CTNNA2: variants seen among roughly 807,000 people sequenced by gnomAD.
The protein encoded by CTNNA2 is catenin alpha 2, also known as catenin alpha-2.
In CTNNA2, 42 loss-of-function variants were observed where a neutral mutation model predicts 101.0. That is an observed-to-expected ratio of 0.42 (90% CI 0.32 to 0.54). CTNNA2 has a LOEUF of 0.54. Ranked by LOEUF, CTNNA2 falls within the 20% of genes least tolerant of loss-of-function variation. CTNNA2 has a pLI of 0.14. For missense variants in CTNNA2, 871 were observed against 1,223.1 expected (o/e 0.71, Z 4.29); for synonymous variants, 450 against 456.4 (o/e 0.99, Z 0.18).
chr2:79,860,884 T>G (rs1238446730), intron 4 of CTNNA2, among the ~76,000 whole-genome samples: 1 of 152,192 alleles, frequency 6.6e-6, no homozygotes. Context: ...ATCAGTTCTT[T>G]TGCGCAGAAG....
intron 7 of CTNNA2, among the ~76,000 whole-genome samples, chr2:80,207,052 A>C (rs927149371): frequency 2.3e-4 from 35 of 152,164 alleles, no homozygotes; most frequent in African/African-American, 7.2e-4. Context: ...GACTTTGCTT[A>C]CTTATAGTCT....
In CTNNA2 at chr2:79,930,260, AAGAAAGAAAGAAAGAAAGAG is replaced by A. The variant is rs1457547382; in HGVS notation, c.1056+20467_1056+20486del. On this transcript the variant is annotated intron_variant, in intron 7 of 18. Transcript: ENST00000402739. Reference sequence around the variant, plus strand: ...TCTGTCTCAAAGAAAGAAAGAAAGAAAGAAAGAAAGAAAGAAAGAGAGAGAGAGAGAAAGAGAAAGAAAGA... The same window carrying A: ...TCTGTCTCAAAGAAAGAAAGAAAGAAAGAGAGAGAGAAAGAGAAAGAAAGA... Among the ~76,000 whole-genome samples the A allele has an allele frequency of 2.2e-4, 10 of 44,728 alleles. No individual in the cohort carries two copies. In the East Asian group the frequency reaches 3.1e-3, roughly 14 times the overall value. The allele number at this position is 44,728 out of a possible 152,430, so 29.3% of individuals were successfully genotyped here.
At chr2:79,212,268 G>T (rs998934293) in intron 2 of CTNNA2, among the ~76,000 whole-genome samples, 10 of 152,150 alleles carry the variant, frequency 6.6e-5, no homozygotes, top group East Asian at 1.9e-4. Flanking sequence ...ACGGTGAATA[G>T]GAGTATGACT....
chr2:80,341,899 T>G (rs976697998), intron 7 of CTNNA2, among the ~76,000 whole-genome samples: 3 of 152,150 alleles, frequency 2.0e-5, no homozygotes, highest in Non-Finnish European at 2.9e-5. Context: ...CAAAATATGG[T>G]ATAGCCATGC....
At chr2:80,319,713 C>T (rs576015950) in intron 7 of CTNNA2, among the ~76,000 whole-genome samples, 4 of 152,244 alleles carry the variant, frequency 2.6e-5, no homozygotes, top group African/African-American at 9.6e-5. Context: ...CACCCCATCC[C>T]AGGTGTAATA....
chr2:80,356,645 A>G (rs1481443625), intron 7 of CTNNA2, among the ~76,000 whole-genome samples: 4 of 152,062 alleles, frequency 2.6e-5, no homozygotes, highest in Admixed American at 1.3e-4. Context: ...TAGAGGGGGG[A>G]AATGGAAACA....
chr2:79,938,410 T>C (rs1296088439), intron 7 of CTNNA2, among the ~76,000 whole-genome samples: 2 of 152,236 alleles, frequency 1.3e-5, no homozygotes, highest in Non-Finnish European at 2.9e-5. Flanking sequence ...GTAACATTTA[T>C]ACATATGAGT....
intron 7 of CTNNA2, chr2:80,304,768 T>C (rs1194705414): frequency 2.0e-5 from 3 of 152,608 alleles, no homozygotes; most frequent in Non-Finnish European, 4.4e-5. Context: ...CTGCTCACGA[T>C]TGTGCGTCTT....
rs202008657 is a variant in CTNNA2, at chr2:80,533,253, TGGG to T, written c.1291-11728_1291-11726del. On this transcript the variant is annotated intron_variant, in intron 9 of 18. Transcript: ENST00000402739. ...GATCTATTTCTACTGGTTGTGTGAA[TGGG>T]ATGCCTTCAGCAACACGTGGATTTT... is the stretch of plus-strand genomic sequence containing the variant. Among the ~76,000 whole-genome samples, 1,221 of 152,288 alleles carry T rather than the reference TGGG, an allele frequency of 8.0e-3. 14 individuals are homozygous for T. The highest frequency in any genetic ancestry group is 0.027 in the African/African-American group (1,140 of 41,560).
intron 3 of CTNNA2, among the ~76,000 whole-genome samples, chr2:79,801,438 G>A (rs1676148261): frequency 6.6e-6 from 1 of 152,150 alleles, no homozygotes; most frequent in Non-Finnish European, 1.5e-5. Context: ...AACTGGAAAG[G>A]GCTTGAGTTC....
intron 2 of CTNNA2, among the ~76,000 whole-genome samples, chr2:79,696,618 A>T (rs1684667374): frequency 1.3e-5 from 2 of 152,000 alleles, no homozygotes; most frequent in African/African-American, 4.8e-5. Flanking sequence ...GCCAGCACTT[A>T]CAATCTCACA....
intron 2 of CTNNA2, among the ~76,000 whole-genome samples, chr2:79,652,335 C>G (rs910595123): frequency 6.6e-6 from 1 of 151,554 alleles, no homozygotes; most frequent in Non-Finnish European, 1.5e-5. Flanking sequence ...TGAAGCAGCA[C>G]AAATTTATTA....
At chr2:79,346,186 T>A (rs575802318) in intron 3 of CTNNA2, among the ~76,000 whole-genome samples, 9 of 152,334 alleles carry the variant, frequency 5.9e-5, no homozygotes, top group South Asian at 4.1e-4. Flanking sequence ...TGCATTGGCT[T>A]ATGTTTTGTC....
At chr2:80,523,982 G>GCAAAAGCAT (rs1689802912) in intron 9 of CTNNA2, among the ~76,000 whole-genome samples, 2 of 152,140 alleles carry the variant, frequency 1.3e-5, no homozygotes, top group South Asian at 4.1e-4. Context: ...AATCATATAA[G>GCAAAAGCAT]CAAAAGCATA....
chr2:80,605,784 CA>C (rs1217721906), intron 16 of CTNNA2: 2 of 151,822 alleles, frequency 1.3e-5, no homozygotes, highest in African/African-American at 4.8e-5. Context: ...ATGGCTAATC[CA>C]AGAAATTTTT....
chr2:79,821,807 A>G (rs973119550), intron 3 of CTNNA2, among the ~76,000 whole-genome samples: 1 of 152,176 alleles, frequency 6.6e-6, no homozygotes, highest in African/African-American at 2.4e-5. Context: ...ATGTTTCTTA[A>G]CTGGTGTTTA....
intron 4 of CTNNA2, among the ~76,000 whole-genome samples, chr2:79,411,505 G>A (rs1450493447): frequency 6.6e-6 from 1 of 151,974 alleles, no homozygotes; most frequent in Non-Finnish European, 1.5e-5. Flanking sequence ...GAAAGGTCGG[G>A]TTACCCACAA....
At chr2:79,778,207 A>G in intron 3 of CTNNA2, among the ~76,000 whole-genome samples, 1 of 151,940 alleles carries the variant, frequency 6.6e-6, no homozygotes, top group Non-Finnish European at 1.5e-5. Flanking sequence ...TTAACCGAGT[A>G]TGGTGGCACA....
rs143397226 is a variant in CTNNA2, at chr2:79,334,159, C to T, written c.-318+21363C>T. Among the ~76,000 whole-genome samples the T allele has an allele frequency of 1.9e-3, 283 of 152,208 alleles. 2 individuals are homozygous for T. Among genetic ancestry groups the T allele is most frequent in the South Asian group, 0.013 (63 of 4,824 alleles). ...ATTGCTAGTTATAGTCACTCTATAGCGCTGCAGAACACTAGAACTTATTTC... is the reference window on the plus strand; with the variant it reads ...ATTGCTAGTTATAGTCACTCTATAGTGCTGCAGAACACTAGAACTTATTTC... On this transcript the variant is annotated intron_variant, in intron 3 of 21. Coordinates refer to the CTNNA2 transcript ENST00000466387.
Sources: allele counts gnomAD v4.1 joint callset (sites outside exome capture counted in the v4.1 genomes callset), GRCh38; gene constraint gnomAD v4.1.1; transcripts MANE v1.5; gene names NCBI Gene and HGNC (gene_info 2026-07-23, HGNC 2026-07-21).